Variants in SLC1A6 observed in about 807,000 individuals in gnomAD.
The protein encoded by SLC1A6 is excitatory amino acid transporter 4.
A neutral mutation model predicts 42.1 loss-of-function variants in SLC1A6; 15 were observed. The ratio of observed to expected loss-of-function variants is 0.36; its 90% CI spans 0.24 to 0.55. The LOEUF (loss-of-function observed/expected upper bound fraction) is 0.55. SLC1A6 is among the 20% of genes least tolerant of loss of function. The pLI, the probability that SLC1A6 is intolerant of heterozygous loss-of-function variation, is 0.88. For missense variants in SLC1A6, 542 were observed against 772.5 expected (o/e 0.70, Z 3.54); for synonymous variants, 317 against 319.7 (o/e 0.99, Z 0.09).
At chr19:14,996,570 C>CTTCTTCTTCTTCTTCTTT (rs59160908) in intron 1 of SLC1A6, among the ~76,000 whole-genome samples, 3 of 149,386 alleles carry the variant, frequency 2.0e-5, no homozygotes, top group Non-Finnish European at 3.0e-5. Context: ...TGTTCTTCTT[C>CTTCTTCTTCTTCTTCTTT]CTCTTCTTCT....
In SLC1A6 at chr19:14,972,800, C is replaced by G. The variant is rs568057780; in HGVS notation, c.111G>C (p.Thr37=). ...QESLQQRALR[T]RLRLQTMTLE... Reference sequence around the variant, plus strand: ...GGGTCATGGTCTGCAGGCGCAGGCGCGTGCGCAGTGCTCTCTGCTGCAGGC... The same window carrying G: ...GGGTCATGGTCTGCAGGCGCAGGCGGGTGCGCAGTGCTCTCTGCTGCAGGC... Residue 37 remains threonine (T), a synonymous_variant, in exon 2 of 10, where the codon ACG becomes ACC. Coordinates refer to ENST00000594383, the MANE Select transcript of SLC1A6 (RefSeq NM_005071.3). 6.2e-7 allele frequency: 1 copy of G among 1,612,916 alleles called. No homozygotes were observed. The highest frequency in any genetic ancestry group is 1.1e-5 in the South Asian group (1 of 90,952).
intron 1 of SLC1A6, among the ~76,000 whole-genome samples, chr19:15,009,132 C>CAT (rs1327863231): frequency 1.8e-5 from 2 of 109,122 alleles, no homozygotes; most frequent in Non-Finnish European, 1.8e-5. Context: ...ATCTAGATAG[C>CAT]ATATATATAT....
intron 1 of SLC1A6, among the ~76,000 whole-genome samples, chr19:14,988,784 G>A (rs1012349221): frequency 4.6e-5 from 7 of 152,208 alleles, no homozygotes; most frequent in Admixed American, 2.0e-4. Context: ...GGAGGCTGAG[G>A]AGGGAGGATC....
chr19:14,989,661 T>TA (rs1027033377), intron 1 of SLC1A6, among the ~76,000 whole-genome samples: 8 of 151,750 alleles, frequency 5.3e-5, no homozygotes, highest in African/African-American at 1.5e-4. Flanking sequence ...ACAGCCATTA[T>TA]AAAAAACAAA....
At chr19:15,010,436 C>A (rs376139860) in intron 1 of SLC1A6, 1 of 473,298 alleles carries the variant, frequency 2.1e-6, no homozygotes, top group Non-Finnish European at 4.2e-6. Context: ...TGGAAGGTAA[C>A]GGCGAGAGGA....
intron 1 of SLC1A6, among the ~76,000 whole-genome samples, chr19:14,978,833 T>C (rs113090076): frequency 0.042 from 6,336 of 152,054 alleles, 277 homozygotes; most frequent in African/African-American, 0.1. Context: ...CACACCTTCG[T>C]GGCTCTGCAC....
chr19:15,007,127 G>A (rs10422660), intron 1 of SLC1A6, among the ~76,000 whole-genome samples: 51,748 of 151,746 alleles, frequency 0.34, 9,420 homozygotes, highest in East Asian at 0.54. Flanking sequence ...GCTCACAAGT[G>A]AAAAACAAAT....
At chr19:14,954,063 C>A in intron 8 of SLC1A6, 72 bp downstream of exon 8, 2 of 1,307,816 alleles carry the variant, frequency 1.5e-6, no homozygotes, top group Non-Finnish European at 2.1e-6. Context: ...CTCCTCCCTC[C>A]CCAACCCTCC....
intron 2 of SLC1A6, among the ~76,000 whole-genome samples, chr19:14,972,447 T>A (rs2045651928): frequency 6.6e-6 from 1 of 152,184 alleles, no homozygotes; most frequent in Non-Finnish European, 1.5e-5. Context: ...GTTTGTACAT[T>A]GTATATGTAT....
At chr19:15,002,188 C>T (rs1188174142) in intron 1 of SLC1A6, among the ~76,000 whole-genome samples, 1 of 152,172 alleles carries the variant, frequency 6.6e-6, no homozygotes, top group Non-Finnish European at 1.5e-5. Context: ...CTCCTGGGCT[C>T]AAGCGATCCT....
chr19:14,987,787 A>T (rs183236878), intron 1 of SLC1A6, among the ~76,000 whole-genome samples: 6 of 152,304 alleles, frequency 3.9e-5, no homozygotes, highest in Non-Finnish European at 7.3e-5. Context: ...GCCCAGCTAG[A>T]AAGCATTTGC....
In SLC1A6 at chr19:14,976,057, T is replaced by C. The variant is rs1056744136; in HGVS notation, c.-7-3140A>G. On this transcript the variant is annotated intron_variant, in intron 1 of 9. Coordinates refer to ENST00000594383, the MANE Select transcript of SLC1A6 (RefSeq NM_005071.3). ...ATACTGAGAATTCTGTTCTTCCTTC[T>C]AGACCCACTCTTAGGCTCCCTCTCC... 4.6e-5 allele frequency among the ~76,000 whole-genome samples: 7 copies of C among 152,284 alleles called. No homozygotes were observed. The East Asian group carries it at 9.7e-4, about 21-fold the overall frequency.
chr19:14,997,519 G>C (rs1317619065), intron 1 of SLC1A6, among the ~76,000 whole-genome samples: 2 of 152,102 alleles, frequency 1.3e-5, no homozygotes, highest in East Asian at 3.8e-4. Context: ...GGCAGCATTG[G>C]GGCAGATTAA....
rs541819184 is a variant in SLC1A6 at position 14,990,701 on chromosome 19, G to A, written c.7-17784C>T. ...GGAGAATCTCTTGAACTTGGGAGGC[G>A]GAGGTTGCAGTGAGCCAAGATCATA... On this transcript the variant is annotated intron_variant, in intron 1 of 8. Transcript: ENST00000430939. Among the ~76,000 whole-genome samples, 20 of 151,920 alleles carry A rather than the reference G, an allele frequency of 1.3e-4. No individual in the cohort carries two copies. In the South Asian group the frequency reaches 2.9e-3, roughly 22 times the overall value.
At chr19:14,974,784 G>A (rs1190321225) in intron 1 of SLC1A6, 1 of 151,876 alleles carries the variant, frequency 6.6e-6, no homozygotes, top group African/African-American at 2.4e-5. Flanking sequence ...TAAAAATTGA[G>A]CCAGCTGCTG....
At chr19:14,987,180 T>C (rs2045796803) in intron 1 of SLC1A6, among the ~76,000 whole-genome samples, 1 of 151,878 alleles carries the variant, frequency 6.6e-6, no homozygotes, top group South Asian at 2.1e-4. Flanking sequence ...GAAAAAACAA[T>C]AATGAGGGCT....
intron 1 of SLC1A6, among the ~76,000 whole-genome samples, chr19:14,991,111 A>G (rs2045817768): frequency 6.6e-6 from 1 of 152,238 alleles, no homozygotes; most frequent in Non-Finnish European, 1.5e-5. Flanking sequence ...AGCCGGATAC[A>G]AAAGGCCACA....
At chr19:15,009,832 T>C (rs1028260998) in intron 1 of SLC1A6, among the ~76,000 whole-genome samples, 2 of 152,038 alleles carry the variant, frequency 1.3e-5, no homozygotes, top group African/African-American at 4.8e-5. Flanking sequence ...AGTAAACCAA[T>C]AAATGAATAA....
At chr19:14,957,690 G>A in intron 6 of SLC1A6, among the ~76,000 whole-genome samples, 1 of 152,188 alleles carries the variant, frequency 6.6e-6, no homozygotes, top group East Asian at 1.9e-4. Flanking sequence ...ACATTCTAAT[G>A]GGGAAAGCAG....
Sources: allele counts gnomAD v4.1 joint callset (sites outside exome capture counted in the v4.1 genomes callset), GRCh38; gene constraint gnomAD v4.1.1; transcripts MANE v1.5; gene names NCBI Gene and HGNC (gene_info 2026-07-23, HGNC 2026-07-21).